ABCG1: variants seen among roughly 807,000 people sequenced by gnomAD.
ABCG1 encodes ATP binding cassette subfamily G member 1.
Under a neutral mutation model 69.2 loss-of-function variants are expected in ABCG1, and 29 were observed. The ratio of observed to expected loss-of-function variants is 0.42; its 90% confidence interval spans 0.31 to 0.57. ABCG1 has a LOEUF of 0.57. Among genes scored for constraint, ABCG1 ranks in the 20% least tolerant of loss-of-function variants. ABCG1 has a pLI of 0.15. For missense variants in ABCG1, 718 were observed against 898.1 expected (o/e 0.80, Z 2.56); for synonymous variants, 370 against 374.8 (o/e 0.99, Z 0.15).
At chr21:42,257,574 G>A (rs1380362533) in intron 2 of ABCG1, among the ~76,000 whole-genome samples, 1 of 152,134 alleles carries the variant, frequency 6.6e-6, no homozygotes, top group African/African-American at 2.4e-5. Context: ...GTGACCCTGG[G>A]GAAGGACCGT....
At chr21:42,268,842 A>G (rs1337238576) in intron 2 of ABCG1, among the ~76,000 whole-genome samples, 1 of 152,094 alleles carries the variant, frequency 6.6e-6, no homozygotes, top group Non-Finnish European at 1.5e-5. Flanking sequence ...CCTCCATGCC[A>G]TGTCCTGTTC....
chr21:42,207,205 T>C (rs221949), intron 2 of ABCG1, among the ~76,000 whole-genome samples: 1 of 152,320 alleles, frequency 6.6e-6, no homozygotes, highest in East Asian at 1.9e-4. Context: ...GCCCCACTTC[T>C]GGGCTTCTGT....
rs201593033 is a variant in ABCG1, at chr21:42,290,154, C to T, written c.1329C>T (p.Ser443=). Residue 443 remains serine (S), a synonymous_variant, in exon 11 of 15, where the codon TCC becomes TCT. Coordinates refer to ENST00000398449, the MANE Select transcript of ABCG1 (RefSeq NM_016818.3). ...GNEAKKVLSN[S]GFLFFSMLFL... ...AAGCCAAGAAGGTCTTGAGCAACTC[C>T]GGCTTCCTCTTCTTCTCCATGCTGT... 6.8e-6 allele frequency: 11 copies of T among 1,614,202 alleles called. No individual in the cohort carries two copies. The South Asian group carries it at 7.7e-5, about 11-fold the overall frequency.
chr21:42,206,875 T>G (rs1427043418), intron 2 of ABCG1: 1 of 107,670 alleles, frequency 9.3e-6, no homozygotes, highest in Non-Finnish European at 1.9e-5. Context: ...GGTGGCCAGT[T>G]TTTTTTTTTT....
chr21:42,231,698 G>C (rs1011941877), intron 2 of ABCG1, among the ~76,000 whole-genome samples: 1 of 152,210 alleles, frequency 6.6e-6, no homozygotes, highest in African/African-American at 2.4e-5. Context: ...GAGGCAGCCC[G>C]GTTAAAGGCA....
chr21:42,210,983 C>G (rs566245778), intron 2 of ABCG1, among the ~76,000 whole-genome samples: 2,893 of 147,476 alleles, frequency 0.02, 110 homozygotes, highest in African/African-American at 0.069. Context: ...TTTTTGAGAC[C>G]AAGTCTCCCT....
chr21:42,283,644 T>G, intron 6 of ABCG1, among the ~76,000 whole-genome samples: 1 of 150,586 alleles, frequency 6.6e-6, no homozygotes, highest in African/African-American at 2.5e-5. Flanking sequence ...CCTGGACAGT[T>G]GTGAAGTCCC....
In ABCG1 at chr21:42,284,665, C is replaced by G; in HGVS notation, c.840C>G (p.Leu280=). Residue 280 remains leucine (L), a synonymous_variant, in exon 7 of 15, where the codon CTC becomes CTG. Transcript: ENST00000398449. ...CCATCCACCAGCCCAGCGCCAAACT[C>G]TTCGAGCTGTTCGACCAGGTACGCG... ...ICTIHQPSAK[L]FELFDQLYVL... is the part of the protein sequence containing the mutation. 2 of 1,613,688 alleles carry G rather than the reference C, an allele frequency of 1.2e-6. No individual in the cohort carries two copies. The highest frequency in any genetic ancestry group is 8.5e-7 in the Non-Finnish European group (1 of 1,180,026).
chr21:42,238,750 T>C (rs1252861417), intron 2 of ABCG1, among the ~76,000 whole-genome samples: 1 of 152,196 alleles, frequency 6.6e-6, no homozygotes, highest in Non-Finnish European at 1.5e-5. Flanking sequence ...AGCTCCTGCG[T>C]GTTTTAGTCT....
At chr21:42,214,327 A>T (rs2067617216), upstream of ABCG1, among the ~76,000 whole-genome samples, 1 of 152,188 alleles carries the variant, frequency 6.6e-6, no homozygotes, top group East Asian at 1.9e-4. Flanking sequence ...ACCTGACACC[A>T]GAGATGCTGG....
intron 11 of ABCG1, 99 bp downstream of exon 11, chr21:42,290,317 A>C: frequency 7.3e-7 from 1 of 1,361,314 alleles, no homozygotes; most frequent in Non-Finnish European, 1.0e-6. Flanking sequence ...AGTTTTCTAA[A>C]CACAATGTTT....
chr21:42,286,654 C>G (rs766475848), intron 8 of ABCG1, among the ~76,000 whole-genome samples: 3 of 152,094 alleles, frequency 2.0e-5, no homozygotes, highest in Non-Finnish European at 4.4e-5. Flanking sequence ...AGATCAGTAA[C>G]GGGTCACTAA....
In ABCG1 at chr21:42,237,497, C is replaced by T. The variant is rs541734346; in HGVS notation, c.286+11583C>T. On this transcript the variant is annotated intron_variant, in intron 2 of 14. Coordinates refer to ENST00000398449, the MANE Select transcript of ABCG1 (RefSeq NM_016818.3). ...TACTCTTCGTACTCCTCTGCCCCTA[C>T]GATCATGGGATTATGGCACTCAGCA... Among the ~76,000 whole-genome samples the T allele has an allele frequency of 2.6e-5, 4 of 152,332 alleles. No individual in the cohort carries two copies. The South Asian group carries it at 6.2e-4, about 24-fold the overall frequency.
chr21:42,225,712 G>T lies in ABCG1; in HGVS notation c.84G>T (p.Ser28=), dbSNP rs751989691. 21 of 1,613,676 alleles carry T rather than the reference G, an allele frequency of 1.3e-5. No individual in the cohort carries two copies. Among genetic ancestry groups the T allele is most frequent in the Non-Finnish European group, 1.8e-5 (21 of 1,179,988 alleles). ...SYSAEMTEPK[S]VCVSVDEVVS... is the part of the protein sequence containing the mutation. The stretch of plus-strand genomic sequence containing the variant: ...CTGCAGAGATGACGGAGCCCAAGTC[G>T]GTGTGTGTCTCGGTGGATGAGGTGG... The change falls in exon 2 of 15, where the codon TCG becomes TCT. Residue 28 remains serine (S), a synonymous_variant. Transcript: ENST00000398449.
intron 7 of ABCG1, 34 bp downstream of exon 7, chr21:42,284,717 C>T: frequency 6.2e-7 from 1 of 1,606,750 alleles, no homozygotes; most frequent in Non-Finnish European, 8.5e-7. Flanking sequence ...CGCCAGATTA[C>T]CACTGCACTC....
Position 42,294,612 on chromosome 21 carries a change from A to G in ABCG1, c.1724A>G (p.Asp575Gly). 1 of 1,614,126 alleles carries G rather than the reference A, an allele frequency of 6.2e-7. No individual in the cohort carries two copies. Among genetic ancestry groups the G allele is most frequent in the East Asian group, 2.2e-5 (1 of 44,870 alleles). ...LLFSGFFVSF[D>G]TIPTYLQWMS... The stretch of plus-strand genomic sequence containing the variant: ...TTCTCGGGGTTCTTCGTCAGCTTCG[A>G]CACCATCCCCACGTACCTACAGTGG... The change falls in exon 14 of 15, where the codon GAC (aspartate) becomes GGC (glycine). Residue 575 changes from aspartate to glycine, a missense_variant. By Grantham distance (94) the Asp-to-Gly change is moderately conservative. Around this residue, in one of 2 missense-constraint regions of ABCG1, gnomAD observed 204 missense variants for 323.8 expected, o/e 0.63. Coordinates refer to ENST00000398449, the MANE Select transcript of ABCG1 (RefSeq NM_016818.3).
rs573485837 is a variant in ABCG1, at chr21:42,276,122, G to A, written c.538-773G>A. On this transcript the variant is annotated intron_variant, in intron 4 of 14. Coordinates refer to ENST00000398449, the MANE Select transcript of ABCG1 (RefSeq NM_016818.3). The surrounding 1 kb of genome is among the most constrained non-coding windows in gnomAD (Gnocchi z 5.3). Reference sequence around the variant, plus strand: ...GCCAGTGAGGAAATGGAGGTTGCACGTTTGCCCAAGGCCACGGGAGGCAGG... The same window carrying A: ...GCCAGTGAGGAAATGGAGGTTGCACATTTGCCCAAGGCCACGGGAGGCAGG... 7.2e-5 allele frequency among the ~76,000 whole-genome samples: 11 copies of A among 152,168 alleles called. No homozygotes were observed. Among genetic ancestry groups the A allele is most frequent in the South Asian group, 6.2e-4 (3 of 4,820 alleles).
intron 1 of ABCG1, among the ~76,000 whole-genome samples, chr21:42,222,738 T>C (rs774189953): frequency 3.9e-5 from 6 of 152,082 alleles, no homozygotes; most frequent in Non-Finnish European, 8.8e-5. Flanking sequence ...TAGGTTAGAG[T>C]TTAATAGTCA....
chr21:42,206,511 CTGT>C (rs1424319187), intron 2 of ABCG1, among the ~76,000 whole-genome samples: 1 of 152,156 alleles, frequency 6.6e-6, no homozygotes, highest in African/African-American at 2.4e-5. Flanking sequence ...GTGCATTCTT[CTGT>C]TGTTGGGTGG....
Sources: allele counts gnomAD v4.1 joint callset (sites outside exome capture counted in the v4.1 genomes callset), GRCh38; gene constraint gnomAD v4.1.1; regional missense constraint gnomAD v4.1.1; non-coding constraint Gnocchi (gnomAD v3.1); transcripts MANE v1.5; gene names NCBI Gene and HGNC (gene_info 2026-07-23, HGNC 2026-07-21).